Variants in XYLB observed in about 807,000 individuals in gnomAD.
The protein encoded by XYLB is xylulose kinase.
A neutral mutation model predicts 78.7 loss-of-function variants in XYLB; 62 were observed. That is an observed-to-expected ratio of 0.79 (90% confidence interval 0.64 to 0.97). The LOEUF (loss-of-function observed/expected upper bound fraction) is 0.97. XYLB is among the 50% of genes least tolerant of loss of function. The probability of loss-of-function intolerance (pLI) is 0.00; values close to 1 mark genes in which losing one functional copy is unlikely to be tolerated. For missense variants in XYLB, 687 were observed against 676.8 expected, an observed-to-expected ratio of 1.02 and a Z score of -0.17; for synonymous variants, 245 against 247.4, an observed-to-expected ratio of 0.99 and a Z score of 0.09.
intron 18 of XYLB, among the ~76,000 whole-genome samples, chr3:38,410,917 T>G (rs1260551130): frequency 1.3e-5 from 2 of 151,894 alleles, no homozygotes; most frequent in African/African-American, 4.8e-5. Flanking sequence ...ATAGGAACAC[T>G]TTTACACTGT....
At chr3:38,449,926 A>C in the XYLB span, among the ~76,000 whole-genome samples, 1 of 152,248 alleles carries the variant, frequency 6.6e-6, no homozygotes, top group East Asian at 1.9e-4. Flanking sequence ...GACCTCAAGT[A>C]ACCACCATTA....
the XYLB span, among the ~76,000 whole-genome samples, chr3:38,427,033 C>T: frequency 6.6e-6 from 1 of 152,238 alleles, no homozygotes; most frequent in Non-Finnish European, 1.5e-5. Flanking sequence ...ACTGAGATTG[C>T]TTTGTTTCCC....
chr3:38,403,289 CAAAA>C (rs35593230), intron 18 of XYLB, among the ~76,000 whole-genome samples: 1 of 126,490 alleles, frequency 7.9e-6, no homozygotes, highest in Non-Finnish European at 1.6e-5. Flanking sequence ...GACCCTGTCT[CAAAA>C]AAAAAAAAAA....
At chr3:38,442,544 C>T in the XYLB span, among the ~76,000 whole-genome samples, 1 of 152,200 alleles carries the variant, frequency 6.6e-6, no homozygotes, top group Admixed American at 6.5e-5. Flanking sequence ...CCTTGAGGTC[C>T]AGAACCATGA....
chr3:38,428,233 T>C, the XYLB span, among the ~76,000 whole-genome samples: 26 of 152,370 alleles, frequency 1.7e-4, no homozygotes, highest in Non-Finnish European at 1.6e-4. Flanking sequence ...ATTTATTTTT[T>C]GGCCCAGCAT....
chr3:38,363,788 A>G (rs1019672927), intron 4 of XYLB, among the ~76,000 whole-genome samples: 2 of 152,206 alleles, frequency 1.3e-5, no homozygotes, highest in Non-Finnish European at 2.9e-5. Flanking sequence ...CACTTACCCA[A>G]GATCACACAG....
intron 4 of XYLB, among the ~76,000 whole-genome samples, chr3:38,364,268 G>T (rs1046407727): frequency 2.0e-5 from 3 of 151,664 alleles, no homozygotes; most frequent in African/African-American, 7.3e-5. Context: ...CCACTGATTT[G>T]TCTGTGACTC....
chr3:38,376,302 GC>G, intron 13 of XYLB, 70 bp downstream of exon 13: 1 of 1,113,880 alleles, frequency 9.0e-7, no homozygotes, highest in Non-Finnish European at 1.4e-6. Flanking sequence ...AGAGCCTGGG[GC>G]CCCATGAGCT....
chr3:38,447,742 G>A, the XYLB span, among the ~76,000 whole-genome samples: 9 of 152,234 alleles, frequency 5.9e-5, no homozygotes, highest in African/African-American at 1.9e-4. Flanking sequence ...TGCAATCCCA[G>A]TATTGGATAG....
At chr3:38,374,567 G>A (rs1706750023) in intron 11 of XYLB, 65 bp downstream of exon 11, 3 of 1,602,110 alleles carry the variant, frequency 1.9e-6, no homozygotes, top group African/African-American at 1.3e-5. Context: ...ACTCTGATAA[G>A]TAGCAGAGGT....
chr3:38,401,052 AC>A (rs1403598751), intron 18 of XYLB, 67 bp downstream of exon 18: 2 of 1,396,450 alleles, frequency 1.4e-6, no homozygotes, highest in African/African-American at 2.8e-5. Context: ...TTTTTCCCCC[AC>A]CAAAAGGTCA....
intron 2 of XYLB, among the ~76,000 whole-genome samples, chr3:38,357,714 A>G (rs1021060584): frequency 6.6e-6 from 1 of 152,134 alleles, no homozygotes; most frequent in Non-Finnish European, 1.5e-5. Context: ...TGTCTTTTTA[A>G]TTACAGACGG....
intron 15 of XYLB, among the ~76,000 whole-genome samples, chr3:38,383,981 T>C (rs946418063): frequency 2.6e-5 from 4 of 152,204 alleles, no homozygotes; most frequent in African/African-American, 9.6e-5. Flanking sequence ...TTTGTGGTGC[T>C]GCGTATGATG....
Position 38,376,167 on chromosome 3 carries a change from C to G in XYLB, c.1055C>G (p.Ser352Cys). The G allele has an allele frequency of 6.2e-7, 1 of 1,614,174 alleles. No individual in the cohort carries two copies. Among genetic ancestry groups the G allele is most frequent in the Non-Finnish European group, 8.5e-7 (1 of 1,180,024 alleles). Residue 352 changes from serine to cysteine, a missense_variant, in exon 13 of 19, where the codon TCC becomes TGC. By Grantham distance (112) the Ser-to-Cys change is moderately radical. Transcript: ENST00000207870. The part of the protein sequence containing the change: ...MREKIRNESV[S>C]RSWSDFSKAL... Reference sequence around the variant, plus strand: ...GAGAAGATCCGCAACGAGTCTGTATCCCGTTCCTGGAGCGATTTCTCTAAG... The same window carrying G: ...GAGAAGATCCGCAACGAGTCTGTATGCCGTTCCTGGAGCGATTTCTCTAAG...
chr3:38,406,453 A>G (rs949638116), intron 18 of XYLB, among the ~76,000 whole-genome samples: 2 of 152,206 alleles, frequency 1.3e-5, no homozygotes, highest in Non-Finnish European at 2.9e-5. Flanking sequence ...GAGCAGAAAA[A>G]CTGGAAACTC....
At chr3:38,449,807 T>G in the XYLB span, among the ~76,000 whole-genome samples, 1 of 152,160 alleles carries the variant, frequency 6.6e-6, no homozygotes, top group Non-Finnish European at 1.5e-5. Flanking sequence ...AGATATAAAT[T>G]TTGTTATTTT....
intron 2 of XYLB, chr3:38,355,922 C>A (rs568289661): frequency 3.2e-6 from 2 of 623,318 alleles, no homozygotes; most frequent in Non-Finnish European, 5.7e-6. Flanking sequence ...TTTTCCTTAA[C>A]TAATATAATT....
intron 15 of XYLB, among the ~76,000 whole-genome samples, chr3:38,389,996 T>C (rs1707581848): frequency 6.6e-6 from 1 of 152,204 alleles, no homozygotes; most frequent in Non-Finnish European, 1.5e-5. Flanking sequence ...ACTTAAGGGC[T>C]CATCTCATTC....
At chr3:38,420,623 T>A (rs1708946803) in exon 18 of XYLB, among the ~76,000 whole-genome samples, 1 of 152,268 alleles carries the variant, frequency 6.6e-6, no homozygotes, top group Admixed American at 6.5e-5. Context: ...TTTGTGGAAC[T>A]TTTAAGTGAA....
Sources: allele counts gnomAD v4.1 joint callset (sites outside exome capture counted in the v4.1 genomes callset), GRCh38; gene constraint gnomAD v4.1.1; transcripts MANE v1.5; gene names NCBI Gene and HGNC (gene_info 2026-07-23, HGNC 2026-07-21).